Variants in PEX3 observed in about 807,000 individuals in gnomAD.
PEX3 encodes peroxisomal biogenesis factor 3.
In PEX3, 30 loss-of-function variants were observed where a neutral mutation model predicts 55.8. That is an observed-to-expected ratio of 0.54 (90% CI 0.40 to 0.73). PEX3 has a LOEUF of 0.73. PEX3 is among the 30% of genes least tolerant of loss of function. The pLI is 0.00. For synonymous variants in PEX3, 135 were observed against 148.4 expected (o/e 0.91, Z 0.66); for missense variants, 351 against 432.8 (o/e 0.81, Z 1.68).
At chr6:143,473,386 A>G (rs960823849) in intron 8 of PEX3, among the ~76,000 whole-genome samples, 2 of 152,224 alleles carry the variant, frequency 1.3e-5, no homozygotes, top group Non-Finnish European at 2.9e-5. Context: ...ACGCAATAAG[A>G]GTATTAAGAA....
intron 9 of PEX3, among the ~76,000 whole-genome samples, chr6:143,478,682 C>T (rs1780186557): frequency 6.6e-6 from 1 of 152,050 alleles, no homozygotes; most frequent in African/African-American, 2.4e-5. Context: ...CTTCTTCATC[C>T]CTCAAGTATC....
Position 143,485,502 on chromosome 6 carries a change from AGTGGTCAGTTGAATTT to A in PEX3, c.1038+255_1038+270del, listed in dbSNP as rs1780306397. 2.6e-5 allele frequency among the ~76,000 whole-genome samples: 4 copies of A among 152,056 alleles called. No homozygotes were observed. The highest frequency in any genetic ancestry group is 2.6e-4 in the Admixed American group (4 of 15,244). ...CTACATTTTAGTCCAGGTGTATTAT[AGTGGTCAGTTGAATTT>A]ATATAGCATGAATGTTTGCATTAAG... On this transcript the variant is annotated intron_variant, in intron 11 of 11. Coordinates refer to ENST00000367591, the MANE Select transcript of PEX3 (RefSeq NM_003630.3). The surrounding 1 kb of genome is among the most constrained non-coding windows in gnomAD (Gnocchi z 5.6).
intron 8 of PEX3, 105 bp from the exon 9 acceptor site, chr6:143,474,681 C>A: frequency 2.6e-6 from 2 of 760,168 alleles, no homozygotes; most frequent in Non-Finnish European, 2.4e-6. Context: ...GTTGATAGAA[C>A]ATAGACTTAG....
chr6:143,457,472 ATATCT>A (rs1442983676), intron 1 of PEX3, among the ~76,000 whole-genome samples: 3 of 152,198 alleles, frequency 2.0e-5, no homozygotes, highest in African/African-American at 7.2e-5. Flanking sequence ...AGAATATGTA[ATATCT>A]TATCAGTTCA....
Position 143,463,986 on chromosome 6 carries a change from G to T in PEX3, c.287+989G>T, listed in dbSNP as rs1779958011. Among the ~76,000 whole-genome samples, 1 of 152,018 alleles carries T rather than the reference G, an allele frequency of 6.6e-6. No homozygotes were observed. Among genetic ancestry groups the T allele is most frequent in the Non-Finnish European group, 1.5e-5 (1 of 67,950 alleles). On this transcript the variant is annotated intron_variant, in intron 3 of 11. Transcript: ENST00000367591. This position sits in a 1 kb window ranked among gnomAD's most constrained non-coding sequence, Gnocchi z 5.7. ...TGTGTACTTGAGATTTCTTTTATCTGATTAAAACAGAATGCTAGTGATGGG... is the reference window on the plus strand; with the variant it reads ...TGTGTACTTGAGATTTCTTTTATCTTATTAAAACAGAATGCTAGTGATGGG...
chr6:143,452,571 T>A (rs993472852), intron 1 of PEX3, among the ~76,000 whole-genome samples: 1 of 152,210 alleles, frequency 6.6e-6, no homozygotes, highest in Non-Finnish European at 1.5e-5. Flanking sequence ...CTTAAACTTA[T>A]AATTTTTTTA....
rs964944950 is a variant in PEX3 at position 143,489,350 on chromosome 6, GTCT to G, written c.*127_*129del. The G allele has an allele frequency of 1.7e-4, 111 of 650,890 alleles. No homozygotes were observed. The Middle Eastern group carries it at 2.0e-3, about 12-fold the overall frequency. The allele number at this position is 650,890 out of a possible 1,614,324, so 40.3% of individuals were successfully genotyped here. A position where few individuals can be genotyped will look rare whatever the true frequency, so the allele number is the denominator to read the frequency against. ...CTGATAAAATATATTCTTAATAAAA[GTCT>G]TCATTTCATAATGAAATCAATTTAT... On this transcript the variant is annotated 3_prime_UTR_variant, in exon 12 of 12. Transcript: ENST00000367591. The surrounding 1 kb of genome is among the most constrained non-coding windows in gnomAD (Gnocchi z 5.5).
rs1038058346 is a variant in PEX3 at position 143,483,355 on chromosome 6, A to C, written c.942-1797A>C. 1.3e-5 allele frequency among the ~76,000 whole-genome samples: 2 copies of C among 152,192 alleles called. No homozygotes were observed. The highest frequency in any genetic ancestry group is 2.9e-5 in the Non-Finnish European group (2 of 68,026). ...CACTGAACGTATAATAGAAAAATTT[A>C]AACAAAAGTAGACAGTCAAGCAGTT... is the stretch of plus-strand genomic sequence containing the variant. On this transcript the variant is annotated intron_variant, in intron 10 of 11. Coordinates refer to ENST00000367591, the MANE Select transcript of PEX3 (RefSeq NM_003630.3). This position sits in a 1 kb window ranked among gnomAD's most constrained non-coding sequence, Gnocchi z 4.3.
Position 143,462,851 on chromosome 6 carries a change from G to T in PEX3, c.206-65G>T, listed in dbSNP as rs148597393. 6.7e-6 allele frequency: 8 copies of T among 1,191,466 alleles called. No homozygotes were observed. Among genetic ancestry groups the T allele is most frequent in the Non-Finnish European group, 1.0e-5 (8 of 794,636 alleles). 73.8% of individuals were successfully genotyped at this position (1,191,466 alleles called of 1,614,324 possible). On this transcript the variant is annotated intron_variant, in intron 2 of 11. Transcript: ENST00000367591. This position sits in a 1 kb window ranked among gnomAD's most constrained non-coding sequence, Gnocchi z 4.1. ...CCTATCATATAGCCTAAAACAATGC[G>T]CATTTCTTAGTGAGGGCAGTCATAT...
chr6:143,468,098 A>G (rs1192817931), intron 3 of PEX3, 24 bp from the exon 4 acceptor site: 2 of 1,271,440 alleles, frequency 1.6e-6, no homozygotes, highest in Non-Finnish European at 2.3e-6. Context: ...TATTATTTTC[A>G]TATTTTTAAA....
chr6:143,484,001 T>C (rs1201745873), intron 10 of PEX3, among the ~76,000 whole-genome samples: 1 of 152,062 alleles, frequency 6.6e-6, no homozygotes, highest in Non-Finnish European at 1.5e-5. Flanking sequence ...CCACTTCCTT[T>C]ATTCTTTTTT....
In PEX3 at chr6:143,485,561, T is replaced by C. The variant is rs1002928764; in HGVS notation, c.1038+313T>C. 2.6e-5 allele frequency among the ~76,000 whole-genome samples: 4 copies of C among 152,062 alleles called. No individual in the cohort carries two copies. The highest frequency in any genetic ancestry group is 6.6e-5 in the Admixed American group (1 of 15,240). On this transcript the variant is annotated intron_variant, in intron 11 of 11. Transcript: ENST00000367591. This position sits in a 1 kb window ranked among gnomAD's most constrained non-coding sequence, Gnocchi z 5.6. ...GCATTAAGCTGTGCTAGTAAGAAGA[T>C]TGATCCTTGGGGCAGATCAAGGATC... is the stretch of plus-strand genomic sequence containing the variant.
intron 1 of PEX3, among the ~76,000 whole-genome samples, chr6:143,456,088 T>C (rs1342613533): frequency 6.6e-6 from 1 of 152,184 alleles, no homozygotes; most frequent in African/African-American, 2.4e-5. Flanking sequence ...ATTTAGTAAA[T>C]ATTTTCATTG....
intron 9 of PEX3, among the ~76,000 whole-genome samples, chr6:143,478,627 C>T (rs1353061396): frequency 6.6e-6 from 1 of 152,032 alleles, no homozygotes; most frequent in East Asian, 1.9e-4. Context: ...ACCCCGGTCT[C>T]ATGTTTGAGC....
chr6:143,457,486 C>T (rs1779862887), intron 1 of PEX3, among the ~76,000 whole-genome samples: 1 of 152,166 alleles, frequency 6.6e-6, no homozygotes, highest in Non-Finnish European at 1.5e-5. Context: ...CTTATCAGTT[C>T]ACCTATAGCA....
intron 10 of PEX3, among the ~76,000 whole-genome samples, chr6:143,481,891 C>G (rs1022426037): frequency 2.0e-5 from 3 of 151,610 alleles, no homozygotes; most frequent in African/African-American, 7.3e-5. Context: ...TTGCTTGAGC[C>G]CCAGAGTTCA....
Position 143,468,812 on chromosome 6 carries a change from C to CG in PEX3, c.331+647_331+648insG, listed in dbSNP as rs1562653863. On this transcript the variant is annotated intron_variant, in intron 4 of 11. Transcript: ENST00000367591. ...ATCTCCTAATGCTATCCCCCCCCCC[C>CG]CCACCCCACGACAGGCCCCAGTGTC... Among the ~76,000 whole-genome samples, 169 of 123,040 alleles carry CG rather than the reference C, an allele frequency of 1.4e-3. 3 individuals carry two copies. Among genetic ancestry groups the CG allele is most frequent in the African/African-American group, 4.6e-3 (163 of 35,460 alleles). The allele number at this position is 123,040 out of a possible 152,430, so 80.7% of individuals were successfully genotyped here. A position where few individuals can be genotyped will look rare whatever the true frequency, so the allele number is the denominator to read the frequency against.
chr6:143,489,509 A>G lies in PEX3; in HGVS notation c.*283A>G. ...GACATTTGTTCCAAACTGACTAAAA[A>G]TCAATATAGATATTTTATATACATA... is the stretch of plus-strand genomic sequence containing the variant. On this transcript the variant is annotated 3_prime_UTR_variant, in exon 12 of 12. Coordinates refer to ENST00000367591, the MANE Select transcript of PEX3 (RefSeq NM_003630.3). This position sits in a 1 kb window ranked among gnomAD's most constrained non-coding sequence, Gnocchi z 5.5. The G allele has an allele frequency of 4.9e-6, 1 of 202,214 alleles. No individual in the cohort carries two copies. The highest frequency in any genetic ancestry group is 1.3e-4 in the East Asian group (1 of 7,912). The allele number at this position is 202,214 out of a possible 1,614,324, so 12.5% of individuals were successfully genotyped here.
At position 143,482,901 on chromosome 6, in the gene PEX3, A is replaced by G. The variant is rs962320989; in HGVS notation, c.942-2251A>G. Reference sequence around the variant, plus strand: ...AAGGTATTTCTAAGAATGAAAGTAAAGAACTTTATATAAAAGAAGTCTAGG... The same window carrying G: ...AAGGTATTTCTAAGAATGAAAGTAAGGAACTTTATATAAAAGAAGTCTAGG... On this transcript the variant is annotated intron_variant, in intron 10 of 11. Coordinates refer to ENST00000367591, the MANE Select transcript of PEX3 (RefSeq NM_003630.3). The surrounding 1 kb of genome is among the most constrained non-coding windows in gnomAD (Gnocchi z 5.5). Among the ~76,000 whole-genome samples, 4 of 152,142 alleles carry G rather than the reference A, an allele frequency of 2.6e-5. No individual in the cohort carries two copies. Among genetic ancestry groups the G allele is most frequent in the African/African-American group, 9.6e-5 (4 of 41,456 alleles).
Sources: allele counts gnomAD v4.1 joint callset (sites outside exome capture counted in the v4.1 genomes callset), GRCh38; gene constraint gnomAD v4.1.1; non-coding constraint Gnocchi (gnomAD v3.1); transcripts MANE v1.5; gene names NCBI Gene and HGNC (gene_info 2026-07-23, HGNC 2026-07-21).